The following AGPAT4 variants were observed in gnomAD, a reference collection of about 807,000 sequenced individuals.
AGPAT4 encodes the protein 1-acylglycerol-3-phosphate O-acyltransferase 4.
In AGPAT4, 15 loss-of-function variants were observed where a neutral mutation model predicts 48.0. The observed-to-expected ratio is 0.31, with a 90% CI of 0.21 to 0.48. The LOEUF is 0.48. Ranked by LOEUF, AGPAT4 falls within the 20% of genes least tolerant of loss-of-function variation. The pLI, the probability that AGPAT4 is intolerant of heterozygous loss-of-function variation, is 0.99. For synonymous variants in AGPAT4, 178 were observed against 198.7 expected, an observed-to-expected ratio of 0.90 and a Z score of 0.88; for missense variants, 314 against 482.5, an observed-to-expected ratio of 0.65 and a Z score of 3.27.
chr6:161,265,483 TG>T (rs1197063116), intron 1 of AGPAT4, among the ~76,000 whole-genome samples: 2 of 150,752 alleles, frequency 1.3e-5, no homozygotes, highest in Non-Finnish European at 3.0e-5. Context: ...ACCGCTGGAC[TG>T]GGTGCTGATT....
At chr6:161,188,357 T>C (rs1045608735) in intron 2 of AGPAT4, among the ~76,000 whole-genome samples, 3 of 152,152 alleles carry the variant, frequency 2.0e-5, no homozygotes, top group African/African-American at 7.2e-5. Flanking sequence ...TATGTATAAA[T>C]TGCACATTTT....
At chr6:161,209,432 A>G (rs1781466526) in intron 2 of AGPAT4, among the ~76,000 whole-genome samples, 1 of 152,154 alleles carries the variant, frequency 6.6e-6, no homozygotes, top group South Asian at 2.1e-4. Context: ...AAATACGTTG[A>G]TTGTTCTAAC....
chr6:161,160,104 A>ATTTTTTTTTTTTTTTTT (rs5881394), intron 3 of AGPAT4: 4 of 74,008 alleles, frequency 5.4e-5, no homozygotes, highest in Non-Finnish European at 9.6e-5. Context: ...CACCCAGCTA[A>ATTTTTTTTTTTTTTTTT]TTTTTTTTTT....
Position 161,218,788 on chromosome 6 carries a change from T to C in AGPAT4, c.178+13248A>G, listed in dbSNP as rs993429279. Among the ~76,000 whole-genome samples the C allele has an allele frequency of 1.3e-5, 2 of 150,742 alleles. No individual in the cohort carries two copies. Among genetic ancestry groups the C allele is most frequent in the African/African-American group, 4.9e-5 (2 of 41,200 alleles). On this transcript the variant is annotated intron_variant, in intron 2 of 8. Transcript: ENST00000320285. This position sits in a 1 kb window ranked among gnomAD's most constrained non-coding sequence, Gnocchi z 4.7. ...GGTGGCAGAGGTGAAAAAACACTGT[T>C]ATCTACCAAACAGTATGATAAAACA...
rs908080978 is a variant in AGPAT4, at chr6:161,139,871, G to A, written c.844-251C>T. Among the ~76,000 whole-genome samples, 2 of 152,244 alleles carry A rather than the reference G, an allele frequency of 1.3e-5. No homozygotes were observed. Among genetic ancestry groups the A allele is most frequent in the Non-Finnish European group, 2.9e-5 (2 of 68,046 alleles). ...CTGCAGCTGTCACTGAGTGCAGGGC[G>A]TGGAGCATGAACCCTGGCGCCAGGC... On this transcript the variant is annotated intron_variant, in intron 7 of 8. Transcript: ENST00000320285. The surrounding 1 kb of genome is among the most constrained non-coding windows in gnomAD (Gnocchi z 9.1).
chr6:161,268,826 T>C (rs1783341346), intron 1 of AGPAT4, among the ~76,000 whole-genome samples: 1 of 152,004 alleles, frequency 6.6e-6, no homozygotes, highest in African/African-American at 2.4e-5. Context: ...TGGGGGAAAA[T>C]AATTCTACTA....
chr6:161,240,922 T>A lies in AGPAT4; in HGVS notation c.-89-8620A>T, dbSNP rs879757799. Among the ~76,000 whole-genome samples the A allele has an allele frequency of 2.6e-5, 4 of 152,122 alleles. No individual in the cohort carries two copies. The highest frequency in any genetic ancestry group is 4.8e-5 in the African/African-American group (2 of 41,402). On this transcript the variant is annotated intron_variant, in intron 1 of 8. Transcript: ENST00000320285. The surrounding 1 kb of genome is among the most constrained non-coding windows in gnomAD (Gnocchi z 5.5). ...GGAGAGAAAGTATTCTAGACTGGAT[T>A]TAACTGTCTTTGGGACGAGCTCTAA...
chr6:161,160,946 A>G (rs1179006000), intron 3 of AGPAT4: 3 of 455,282 alleles, frequency 6.6e-6, no homozygotes, highest in Non-Finnish European at 8.8e-6. Flanking sequence ...AGCACCCTAT[A>G]GATAATAGGT....
Position 161,178,417 on chromosome 6 carries a change from C to T in AGPAT4, c.179-12000G>A, listed in dbSNP as rs1418224913. ...GCAATGAGCAAGGCTCCGTGGGCGT[C>T]GGACCCTCTGAGCCAGACACGGGAT... is the stretch of plus-strand genomic sequence containing the variant. On this transcript the variant is annotated intron_variant, in intron 2 of 8. Coordinates refer to ENST00000320285, the MANE Select transcript of AGPAT4 (RefSeq NM_020133.3). The surrounding 1 kb of genome is among the most constrained non-coding windows in gnomAD (Gnocchi z 5.1). Among the ~76,000 whole-genome samples, 3 of 152,212 alleles carry T rather than the reference C, an allele frequency of 2.0e-5. No homozygotes were observed. Among genetic ancestry groups the T allele is most frequent in the Non-Finnish European group, 2.9e-5 (2 of 68,036 alleles).
At chr6:161,136,658 T>C in intron 8 of AGPAT4, 24 bp from the exon 9 acceptor site, 1 of 1,607,576 alleles carries the variant, frequency 6.2e-7, no homozygotes. Context: ...GAGAGCAGAG[T>C]TAGGAGTAGC....
At chr6:161,152,031 C>T (rs1779605679) in intron 5 of AGPAT4, among the ~76,000 whole-genome samples, 1 of 152,246 alleles carries the variant, frequency 6.6e-6, no homozygotes, top group Admixed American at 6.5e-5. Flanking sequence ...AGGTGGCTGG[C>T]CCGGTGGGCC....
chr6:161,268,027 T>C (rs969606042), intron 1 of AGPAT4, among the ~76,000 whole-genome samples: 2 of 152,224 alleles, frequency 1.3e-5, no homozygotes, highest in Non-Finnish European at 2.9e-5. Context: ...GCCCAGATGA[T>C]CTGGGTTAAC....
rs184699310 is a variant in AGPAT4 at position 161,204,506 on chromosome 6, C to A, written c.178+27530G>T. 1.3e-5 allele frequency among the ~76,000 whole-genome samples: 2 copies of A among 152,148 alleles called. No homozygotes were observed. The highest frequency in any genetic ancestry group is 2.9e-5 in the Non-Finnish European group (2 of 68,016). ...TTTAGTACCCCCTCCAAAATTCTCC[C>A]TTTCCAGCTATATTTATCCTTCAGC... On this transcript the variant is annotated intron_variant, in intron 2 of 8. Coordinates refer to ENST00000320285, the MANE Select transcript of AGPAT4 (RefSeq NM_020133.3). The surrounding 1 kb of genome is among the most constrained non-coding windows in gnomAD (Gnocchi z 4.4).
rs1364643952 is a variant in AGPAT4, at chr6:161,156,873, C to CAG, written c.349-2564_349-2563insCT. On this transcript the variant is annotated intron_variant, in intron 3 of 8. Coordinates refer to ENST00000320285, the MANE Select transcript of AGPAT4 (RefSeq NM_020133.3). ...GCAATCTGTGCCTTAAGGACATGCT[C>CAG]CTGCTGCAGTTAACTAGCCCAACCT... Among the ~76,000 whole-genome samples the CAG allele has an allele frequency of 9.9e-3, 1,508 of 152,382 alleles. 27 individuals carry two copies. Among genetic ancestry groups the CAG allele is most frequent in the African/African-American group, 0.034 (1,432 of 41,592 alleles).
chr6:161,176,479 T>C (rs1780432026), intron 2 of AGPAT4, among the ~76,000 whole-genome samples: 1 of 152,248 alleles, frequency 6.6e-6, no homozygotes, highest in African/African-American at 2.4e-5. Flanking sequence ...TTTTATTTGT[T>C]TTCCACTTGC....
intron 3 of AGPAT4, among the ~76,000 whole-genome samples, chr6:161,156,508 A>C (rs1255399460): frequency 6.6e-6 from 1 of 152,260 alleles, no homozygotes; most frequent in Non-Finnish European, 1.5e-5. Context: ...ATGACTGTGT[A>C]ATGGCTAGGC....
rs541733423 is a variant in AGPAT4 at position 161,272,563 on chromosome 6, C to T, written c.-90+1375G>A. ...TAATTATAATTAACTTTGCTTATTA[C>T]TAAGTAGATAATAATTTTCTCATTT... is the stretch of plus-strand genomic sequence containing the variant. On this transcript the variant is annotated intron_variant, in intron 1 of 8. Transcript: ENST00000320285. This position sits in a 1 kb window ranked among gnomAD's most constrained non-coding sequence, Gnocchi z 4.2. 1.2e-3 allele frequency among the ~76,000 whole-genome samples: 176 copies of T among 152,184 alleles called. No homozygotes were observed. The highest frequency in any genetic ancestry group is 3.9e-3 in the African/African-American group (161 of 41,510).
chr6:161,171,558 C>T lies in AGPAT4; in HGVS notation c.179-5141G>A, dbSNP rs1350554833. Among the ~76,000 whole-genome samples, 2 of 152,166 alleles carry T rather than the reference C, an allele frequency of 1.3e-5. No individual in the cohort carries two copies. The highest frequency in any genetic ancestry group is 4.8e-5 in the African/African-American group (2 of 41,434). On this transcript the variant is annotated intron_variant, in intron 2 of 8. Transcript: ENST00000320285. The surrounding 1 kb of genome is among the most constrained non-coding windows in gnomAD (Gnocchi z 4.4). ...GGCAAAGCCCTCATGACCTAATCAC[C>T]TCTTAAAGGCCCCACATCTCAACAC...
At position 161,226,573 on chromosome 6, in the gene AGPAT4, G is replaced by A. The variant is rs947947375; in HGVS notation, c.178+5463C>T. On this transcript the variant is annotated intron_variant, in intron 2 of 8. Coordinates refer to ENST00000320285, the MANE Select transcript of AGPAT4 (RefSeq NM_020133.3). This position sits in a 1 kb window ranked among gnomAD's most constrained non-coding sequence, Gnocchi z 6.3. ...CACCCAGTTGTTGCCTGGTCAAGTT[G>A]ACAAACATCAGGAAGCTGCCGCCCT... Among the ~76,000 whole-genome samples the A allele has an allele frequency of 2.0e-5, 3 of 152,206 alleles. No individual in the cohort carries two copies. The highest frequency in any genetic ancestry group is 3.9e-4 in the East Asian group (2 of 5,192).
Sources: allele counts gnomAD v4.1 joint callset (sites outside exome capture counted in the v4.1 genomes callset), GRCh38; gene constraint gnomAD v4.1.1; non-coding constraint Gnocchi (gnomAD v3.1); transcripts MANE v1.5; gene names NCBI Gene and HGNC (gene_info 2026-07-23, HGNC 2026-07-21).